CCDC50: variants seen among roughly 807,000 people sequenced by gnomAD.
CCDC50 encodes coiled-coil domain containing 50.
A neutral mutation model predicts 70.2 loss-of-function variants in CCDC50; 54 were observed. That is an observed-to-expected ratio of 0.77 (90% CI 0.62 to 0.96). The LOEUF is 0.96. CCDC50 is among the 50% of genes least tolerant of loss of function. The probability of loss-of-function intolerance (pLI) is 0.00; values close to 1 mark genes in which losing one functional copy is unlikely to be tolerated. For missense variants in CCDC50, 558 were observed against 578.7 expected (o/e 0.96, Z 0.37); for synonymous variants, 216 against 198.8 (o/e 1.09, Z -0.73).
chr3:191,344,537 A>G (rs959513857), intron 1 of CCDC50, among the ~76,000 whole-genome samples: 17 of 152,178 alleles, frequency 1.1e-4, no homozygotes, highest in African/African-American at 4.1e-4. Context: ...GATAGAACAT[A>G]TTGATTTTGG....
intron 5 of CCDC50, among the ~76,000 whole-genome samples, chr3:191,371,011 T>C (rs951628119): frequency 2.0e-5 from 3 of 152,206 alleles, no homozygotes; most frequent in African/African-American, 4.8e-5. Context: ...GAAAGTGGTA[T>C]GAAGAAAGAA....
In CCDC50 at chr3:191,397,717, C is replaced by T. The variant is rs985725765; in HGVS notation, c.*5957C>T. ...GCATTGCCTGGGCACTTTCAGATTC[C>T]TTAGGAAGTGCCCCTTTGATATTTG... On this transcript the variant is annotated 3_prime_UTR_variant, in exon 12 of 12. Coordinates refer to ENST00000392455, the MANE Select transcript of CCDC50 (RefSeq NM_178335.3). 1.3e-5 allele frequency: 2 copies of T among 152,202 alleles called. No homozygotes were observed. The highest frequency in any genetic ancestry group is 2.9e-5 in the Non-Finnish European group (2 of 68,042). The allele number at this position is 152,202 out of a possible 1,614,324, so 9.4% of individuals were successfully genotyped here.
chr3:191,357,264 C>T (rs1712323080), intron 2 of CCDC50, 114 bp downstream of exon 2: 2 of 809,676 alleles, frequency 2.5e-6, no homozygotes, highest in Non-Finnish European at 4.2e-6. Flanking sequence ...CTTCACCATC[C>T]ATACATCCTG....
chr3:191,375,123 C>T lies in CCDC50; in HGVS notation c.510C>T (p.Leu170=). The change falls in exon 6 of 12, where the codon CTC becomes CTT. Residue 170 remains leucine (L), a synonymous_variant. Coordinates refer to ENST00000392455, the MANE Select transcript of CCDC50 (RefSeq NM_178335.3). Reference sequence around the variant, plus strand: ...CTGGATTCTCAAGACCTTGTAGACTCCAAAGAGATGGAAAGACTGTGAAGC... The same window carrying T: ...CTGGATTCTCAAGACCTTGTAGACTTCAAAGAGATGGAAAGACTGTGAAGC... The part of the protein sequence containing the change: ...LGSGFSRPCR[L]QRDGKTVKHK... 1 of 1,613,552 alleles carries T rather than the reference C, an allele frequency of 6.2e-7. No individual in the cohort carries two copies. Among genetic ancestry groups the T allele is most frequent in the Non-Finnish European group, 8.5e-7 (1 of 1,179,728 alleles).
rs1713893426 is a variant in CCDC50, at chr3:191,397,337, G to A, written c.*5577G>A. On this transcript the variant is annotated 3_prime_UTR_variant, in exon 12 of 12. Transcript: ENST00000392455. ...TTGTATTTCTGGTCAAATTGGTCTT[G>A]GAAATCCCTATGGTCTCTAATTTCA... 1 of 152,146 alleles carries A rather than the reference G, an allele frequency of 6.6e-6. No individual in the cohort carries two copies. Among genetic ancestry groups the A allele is most frequent in the Admixed American group, 6.5e-5 (1 of 15,268 alleles). The allele number at this position is 152,146 out of a possible 1,614,324, so 9.4% of individuals were successfully genotyped here. A position where few individuals can be genotyped will look rare whatever the true frequency, so the allele number is the denominator to read the frequency against.
chr3:191,331,540 A>G (rs1486918644), intron 1 of CCDC50, among the ~76,000 whole-genome samples: 1 of 152,232 alleles, frequency 6.6e-6, no homozygotes, highest in Non-Finnish European at 1.5e-5. Context: ...AATTGGTAAG[A>G]AAATTCAGTG....
intron 4 of CCDC50, among the ~76,000 whole-genome samples, chr3:191,361,958 T>C (rs1297651971): frequency 6.6e-6 from 1 of 152,122 alleles, no homozygotes; most frequent in Non-Finnish European, 1.5e-5. Context: ...GGTTTCCCTT[T>C]CCTCTGATCT....
At chr3:191,387,606 ACT>A (rs1291243733) in intron 10 of CCDC50, among the ~76,000 whole-genome samples, 1 of 148,906 alleles carries the variant, frequency 6.7e-6, no homozygotes, top group East Asian at 1.9e-4. Flanking sequence ...CTTAAGAAGT[ACT>A]CTTAAGAAGT....
intron 1 of CCDC50, among the ~76,000 whole-genome samples, chr3:191,343,250 G>C (rs1254792101): frequency 6.6e-6 from 1 of 152,156 alleles, no homozygotes; most frequent in African/African-American, 2.4e-5. Context: ...TCATATTACA[G>C]GGGCGTAAAC....
intron 6 of CCDC50, among the ~76,000 whole-genome samples, chr3:191,379,168 TG>T (rs1421017176): frequency 1.3e-5 from 2 of 152,024 alleles, no homozygotes; most frequent in African/African-American, 4.8e-5. Flanking sequence ...AAGAATGAAC[TG>T]GGGAGATTTA....
intron 1 of CCDC50, among the ~76,000 whole-genome samples, chr3:191,349,780 A>C (rs1576953894): frequency 7.1e-6 from 1 of 141,496 alleles, no homozygotes; most frequent in East Asian, 1.9e-4. Context: ...GCCGACTGTG[A>C]TTGCTAGAAG....
At chr3:191,357,507 A>G (rs1000227773) in intron 2 of CCDC50, among the ~76,000 whole-genome samples, 2 of 152,224 alleles carry the variant, frequency 1.3e-5, no homozygotes, top group Non-Finnish European at 2.9e-5. Context: ...CAGTTTTCCC[A>G]GGCAACTGTG....
At chr3:191,379,510 G>T (rs293807) in intron 6 of CCDC50, among the ~76,000 whole-genome samples, 87,806 of 151,980 alleles carry the variant, frequency 0.58, 27,046 homozygotes, top group African/African-American at 0.81. Context: ...TAGAACTCTG[G>T]TCATTGTGCT....
intron 4 of CCDC50, among the ~76,000 whole-genome samples, chr3:191,368,081 T>C (rs1329237663): frequency 6.6e-6 from 1 of 151,984 alleles, no homozygotes; most frequent in African/African-American, 2.4e-5. Flanking sequence ...AGTTCAAACT[T>C]TCTATTGTAC....
intron 4 of CCDC50, among the ~76,000 whole-genome samples, chr3:191,364,235 A>AT (rs1576962272): frequency 2.0e-5 from 3 of 152,030 alleles, no homozygotes. Flanking sequence ...CGTCCGGCTC[A>AT]TTTTTTGTAT....
intron 4 of CCDC50, among the ~76,000 whole-genome samples, chr3:191,365,882 A>G (rs2108655547): frequency 1.3e-5 from 2 of 152,280 alleles, no homozygotes; most frequent in South Asian, 4.1e-4. Context: ...TTGAGCATCC[A>G]AAAATCCAAA....
rs376748783 is a variant in CCDC50, at chr3:191,395,158, C to T, written c.*3398C>T. 7.0e-6 allele frequency: 1 copy of T among 143,664 alleles called. No individual in the cohort carries two copies. The highest frequency in any genetic ancestry group is 2.2e-4 in the South Asian group (1 of 4,484). 8.9% of individuals were successfully genotyped at this position (143,664 alleles called of 1,614,324 possible). On this transcript the variant is annotated 3_prime_UTR_variant, in exon 12 of 12. Transcript: ENST00000392455. ...TTGGGCTTTGTGTTTACTGAACTCACTCTAGAAAATTCTGGACCTGATTCA... is the reference window on the plus strand; with the variant it reads ...TTGGGCTTTGTGTTTACTGAACTCATTCTAGAAAATTCTGGACCTGATTCA...
In CCDC50 at chr3:191,357,987, T is replaced by A. The variant is rs1218873429; in HGVS notation, c.113-11T>A. On this transcript the variant is annotated splice_polypyrimidine_tract_variant and intron_variant, in intron 2 of 11. Coordinates refer to ENST00000392455, the MANE Select transcript of CCDC50 (RefSeq NM_178335.3). Reference sequence around the variant, plus strand: ...CATTATTCATTCCTGTCCTCAATCTTTTTGTTCCAGTTGAGCATCATTTGG... The same window carrying A: ...CATTATTCATTCCTGTCCTCAATCTATTTGTTCCAGTTGAGCATCATTTGG... 4 of 1,613,920 alleles carry A rather than the reference T, an allele frequency of 2.5e-6. 1 individual carries two copies. In the Admixed American group the frequency reaches 6.7e-5, roughly 27 times the overall value.
chr3:191,380,699 G>T lies in CCDC50; in HGVS notation c.1105G>T (p.Asp369Tyr). The T allele has an allele frequency of 6.2e-7, 1 of 1,612,590 alleles. No individual in the cohort carries two copies. Among genetic ancestry groups the T allele is most frequent in the Non-Finnish European group, 8.5e-7 (1 of 1,179,146 alleles). ...QEEELLATQV[D>Y]MRAAQVAQDE... ...TTCGATATCATAGGCTACCCAGGTGGACATGAGAGCCGCTCAAGTAGCTCA... is the reference window on the plus strand; with the variant it reads ...TTCGATATCATAGGCTACCCAGGTGTACATGAGAGCCGCTCAAGTAGCTCA... Residue 369 changes from aspartate to tyrosine, a missense_variant, in exon 8 of 12, where the codon GAC (aspartate) becomes TAC (tyrosine). Asp to Tyr is a radical substitution (Grantham distance 160). Coordinates refer to ENST00000392455, the MANE Select transcript of CCDC50 (RefSeq NM_178335.3).
Sources: allele counts gnomAD v4.1 joint callset (sites outside exome capture counted in the v4.1 genomes callset), GRCh38; gene constraint gnomAD v4.1.1; transcripts MANE v1.5; gene names NCBI Gene and HGNC (gene_info 2026-07-23, HGNC 2026-07-21).